Variants in MMP28 observed in about 807,000 individuals in gnomAD.
MMP28 encodes matrix metallopeptidase 28.
In MMP28, 55 loss-of-function variants were observed where a neutral mutation model predicts 60.5. The ratio of observed to expected loss-of-function variants is 0.91; its 90% CI spans 0.73 to 1.14. The LOEUF (loss-of-function observed/expected upper bound fraction) is 1.14. Among genes scored for constraint, MMP28 ranks in the 50% most tolerant of loss-of-function variants. MMP28 has a pLI of 0.00. For synonymous variants in MMP28, 318 were observed against 312.5 expected, an observed-to-expected ratio of 1.02 and a Z score of -0.18; for missense variants, 686 against 738.3, an observed-to-expected ratio of 0.93 and a Z score of 0.82.
chr17:35,774,584 GGGAGGGTCTT>G (rs1448247449), intron 3 of MMP28, among the ~76,000 whole-genome samples: 1 of 152,222 alleles, frequency 6.6e-6, no homozygotes, highest in Non-Finnish European at 1.5e-5. Flanking sequence ...CCAGATGTAA[GGGAGGGTCTT>G]GGAGAGCAGA....
At position 35,778,938 on chromosome 17, in the gene MMP28, A is replaced by G; in HGVS notation, c.329T>C (p.Phe110Ser). ...AAWAERISDLFARHRTKMRRK... is the reference protein window; with the variant it reads ...AAWAERISDLSARHRTKMRRK... ...CCTCATTTTGGTCCGGTGTCTAGCA[A>G]ACAAGTCACTGATCCTCTCAGCCCA... Residue 110 changes from phenylalanine (F) to serine (S), a missense_variant, in exon 3 of 8, where the codon TTT (phenylalanine) becomes TCT (serine). Transcript: ENST00000605424. The G allele has an allele frequency of 6.2e-7, 1 of 1,614,042 alleles. No homozygotes were observed. Among genetic ancestry groups the G allele is most frequent in the Non-Finnish European group, 8.5e-7 (1 of 1,179,898 alleles).
intron 7 of MMP28, 43 bp downstream of exon 7, chr17:35,767,709 C>T (rs1226975613): frequency 6.5e-7 from 1 of 1,548,620 alleles, no homozygotes; most frequent in Non-Finnish European, 8.7e-7. Context: ...GGACACCTTC[C>T]CTCTCTAGGG....
intron 1 of MMP28, among the ~76,000 whole-genome samples, chr17:35,782,319 T>C (rs1024759141): frequency 4.6e-5 from 7 of 152,266 alleles, no homozygotes; most frequent in African/African-American, 1.7e-4. Context: ...CCTACCAAAG[T>C]GCTGGGATTA....
chr17:35,756,581 C>T (rs1288220472), intron 2 of MMP28, among the ~76,000 whole-genome samples: 1 of 151,572 alleles, frequency 6.6e-6, no homozygotes, highest in Non-Finnish European at 1.5e-5. Flanking sequence ...AGTGATTCTC[C>T]TGCCTCAGCT....
intron 1 of MMP28, among the ~76,000 whole-genome samples, chr17:35,786,697 T>TGCAAAAAAAAAAAAAAAAAAAAAAA (rs2086656769): frequency 1.2e-5 from 1 of 80,124 alleles, no homozygotes; most frequent in African/African-American, 8.8e-5. Context: ...ATCCTGTCTC[T>TGCAAAAAAAAAAAAAAAAAAAAAAA]ACAAAAAAAA....
intron 3 of MMP28, among the ~76,000 whole-genome samples, chr17:35,776,913 G>C (rs1203750073): frequency 6.6e-6 from 1 of 152,054 alleles, no homozygotes; most frequent in Non-Finnish European, 1.5e-5. Context: ...GAGAGAGAGA[G>C]AGATGCTCGA....
At chr17:35,786,699 C>CA (rs200165337) in intron 1 of MMP28, among the ~76,000 whole-genome samples, 1,065 of 70,978 alleles carry the variant, frequency 0.015, 43 homozygotes, top group Middle Eastern at 0.072. Context: ...CCTGTCTCTA[C>CA]AAAAAAAAAA....
chr17:35,764,482 G>A, downstream of MMP28: 2 of 1,570,578 alleles, frequency 1.3e-6, no homozygotes, highest in South Asian at 1.2e-5. Context: ...CGACCGCCGC[G>A]CCGCGGGGGC....
Position 35,766,621 on chromosome 17 carries a change from C to T in MMP28, c.1442G>A (p.Arg481Gln), listed in dbSNP as rs1012437556. 6.8e-6 allele frequency: 11 copies of T among 1,612,584 alleles called. No individual in the cohort carries two copies. In the African/African-American group the frequency reaches 1.1e-4, roughly 16 times the overall value. Residue 481 changes from arginine to glutamine, a missense_variant, in exon 8 of 8, where the codon CGA becomes CAA. Transcript: ENST00000605424. This position sits in a 1 kb window ranked among gnomAD's most constrained non-coding sequence, Gnocchi z 4.3. ...GTCGAGGCGCCAGTAGCGGTCATCT[C>T]GGAAGAAGATGATGGAGCCATCGGG... ...PRPDGSIIFF[R>Q]DDRYWRLDQA... is the part of the protein sequence containing the mutation.
In MMP28 at chr17:35,766,588, T is replaced by C; in HGVS notation, c.1475A>G (p.Lys492Arg). ...GCGGCCCGAGGTGGTTGCCTGCAGT[T>C]TGGCCTGGTCGAGGCGCCAGTAGCG... ...DDRYWRLDQAKLQATTSGRWA... is the reference protein window; with the variant it reads ...DDRYWRLDQARLQATTSGRWA... Residue 492 changes from lysine to arginine, a missense_variant, in exon 8 of 8, where the codon AAA (lysine) becomes AGA (arginine). Lys to Arg is a conservative substitution (Grantham distance 26). Coordinates refer to ENST00000605424, the MANE Select transcript of MMP28 (RefSeq NM_024302.5). This position sits in a 1 kb window ranked among gnomAD's most constrained non-coding sequence, Gnocchi z 4.3. The C allele has an allele frequency of 2.5e-6, 4 of 1,612,410 alleles. No homozygotes were observed. Among genetic ancestry groups the C allele is most frequent in the Non-Finnish European group, 3.4e-6 (4 of 1,179,722 alleles).
At chr17:35,761,247 G>A (rs1202546458), downstream of MMP28, among the ~76,000 whole-genome samples, 1 of 151,474 alleles carries the variant, frequency 6.6e-6, no homozygotes, top group Admixed American at 6.6e-5. Context: ...GGGACCACAG[G>A]AGCATGCCAC....
chr17:35,759,106 C>T (rs1167341108), intron 2 of MMP28, among the ~76,000 whole-genome samples: 1 of 152,182 alleles, frequency 6.6e-6, no homozygotes, highest in Non-Finnish European at 1.5e-5. Context: ...TTCTTATTCG[C>T]CACCCTTCCT....
intron 2 of MMP28, 83 bp from the exon 3 acceptor site, chr17:35,779,158 C>G: frequency 6.4e-7 from 1 of 1,565,794 alleles, no homozygotes; most frequent in Non-Finnish European, 8.7e-7. Flanking sequence ...GTGTAGCCAG[C>G]CAGGCTTCCA....
At chr17:35,769,833 G>A (rs1303702822) in intron 5 of MMP28, among the ~76,000 whole-genome samples, 1 of 152,018 alleles carries the variant, frequency 6.6e-6, no homozygotes, top group African/African-American at 2.4e-5. Flanking sequence ...CTGTGCACAG[G>A]AATTAGTTGG....
chr17:35,759,427 C>T (rs587769370), intron 2 of MMP28, among the ~76,000 whole-genome samples: 3 of 152,240 alleles, frequency 2.0e-5, no homozygotes, highest in Middle Eastern at 3.4e-3. Context: ...CCTGGCTGGG[C>T]GCAGTGGCTC....
intron 6 of MMP28, 141 bp downstream of exon 6, chr17:35,768,089 T>G (rs2086001147): frequency 7.8e-7 from 1 of 1,286,892 alleles, no homozygotes; most frequent in Non-Finnish European, 1.1e-6. Flanking sequence ...TTGCTGGGTG[T>G]GGGGTTGCTA....
intron 1 of MMP28, among the ~76,000 whole-genome samples, chr17:35,788,523 T>A (rs2086720534): frequency 6.6e-6 from 1 of 152,178 alleles, no homozygotes; most frequent in Admixed American, 6.5e-5. Flanking sequence ...TCTTCTGCAC[T>A]TCTATTCACC....
chr17:35,785,802 T>C (rs1555610332), intron 1 of MMP28, among the ~76,000 whole-genome samples: 1 of 152,172 alleles, frequency 6.6e-6, no homozygotes, highest in Admixed American at 6.5e-5. Flanking sequence ...CGTTATTCTA[T>C]CCCTGCTTCT....
In MMP28 at chr17:35,779,339, A is replaced by G; in HGVS notation, c.112-16T>C. On this transcript the variant is annotated splice_polypyrimidine_tract_variant and intron_variant, in intron 1 of 7. Transcript: ENST00000605424. ...CTAGGAATGCCTGCGGGAGAGAGGA[A>G]TATCTGCTTTTTCCATAGCATCCTT... 6.2e-7 allele frequency: 1 copy of G among 1,604,430 alleles called. No homozygotes were observed. Among genetic ancestry groups the G allele is most frequent in the Non-Finnish European group, 8.5e-7 (1 of 1,174,426 alleles).
Sources: allele counts gnomAD v4.1 joint callset (sites outside exome capture counted in the v4.1 genomes callset), GRCh38; gene constraint gnomAD v4.1.1; non-coding constraint Gnocchi (gnomAD v3.1); transcripts MANE v1.5; gene names NCBI Gene and HGNC (gene_info 2026-07-23, HGNC 2026-07-21).